ABCA9: variants seen among roughly 807,000 people sequenced by gnomAD.
The protein encoded by ABCA9 is ATP-binding cassette sub-family A member 9.
In ABCA9, 183 loss-of-function variants were observed where a neutral mutation model predicts 205.3. The observed-to-expected ratio is 0.89, with a 90% CI of 0.79 to 1.01. ABCA9 has a LOEUF of 1.01. Ranked by LOEUF, ABCA9 falls within the 50% of genes least tolerant of loss-of-function variation. The probability of loss-of-function intolerance (pLI) is 0.00; values close to 1 mark genes in which losing one functional copy is unlikely to be tolerated. For missense variants in ABCA9, 1,805 were observed against 1,912.4 expected (o/e 0.94, Z 1.05); for synonymous variants, 651 against 683.3 (o/e 0.95, Z 0.74).
chr17:69,019,137 G>A (rs1042260017), intron 19 of ABCA9, among the ~76,000 whole-genome samples: 2 of 151,910 alleles, frequency 1.3e-5, no homozygotes, highest in Admixed American at 1.3e-4. Context: ...CTCTTCTTAA[G>A]TTGGGCTTTT....
the ABCA9 span, among the ~76,000 whole-genome samples, chr17:69,067,993 T>C: frequency 6.6e-5 from 10 of 152,238 alleles, no homozygotes; most frequent in African/African-American, 2.2e-4. Context: ...CCAGGAAATC[T>C]AGGCCCCACT....
rs897395118 is a variant in ABCA9, at chr17:69,023,716, T to G, written c.2281+498A>C. On this transcript the variant is annotated intron_variant, in intron 17 of 38. Transcript: ENST00000340001. This position sits in a 1 kb window ranked among gnomAD's most constrained non-coding sequence, Gnocchi z 4.2. ...CAGTAGTTCTCCAAGCTTCTGTGTT[T>G]GCAGCAAAGTTGTACATTGAAGTGT... Among the ~76,000 whole-genome samples the G allele has an allele frequency of 6.6e-6, 1 of 152,194 alleles. No homozygotes were observed. Among genetic ancestry groups the G allele is most frequent in the Non-Finnish European group, 1.5e-5 (1 of 68,028 alleles).
At chr17:69,031,583 A>T (rs1420238655) in intron 10 of ABCA9, among the ~76,000 whole-genome samples, 1 of 152,212 alleles carries the variant, frequency 6.6e-6, no homozygotes, top group Non-Finnish European at 1.5e-5. Context: ...CATGTCCATC[A>T]TCTAAGAGGG....
rs1399029347 is a variant in ABCA9 at position 68,992,928 on chromosome 17, T to C, written c.3624+88A>G. On this transcript the variant is annotated intron_variant, in intron 27 of 38. Coordinates refer to ENST00000340001, the MANE Select transcript of ABCA9 (RefSeq NM_080283.4). ...TCAAATGCCTAAAATGTCCAAACCT[T>C]CTTAATTTGATGCAATTCAGAGAAA... 4.6e-6 allele frequency: 5 copies of C among 1,098,084 alleles called. No homozygotes were observed. In the Admixed American group the frequency reaches 9.9e-5, roughly 22 times the overall value. 68.0% of individuals were successfully genotyped at this position (1,098,084 alleles called of 1,614,324 possible). A position where few individuals can be genotyped will look rare whatever the true frequency, so the allele number is the denominator to read the frequency against.
At chr17:69,025,070 G>A (rs941117468) in intron 16 of ABCA9, among the ~76,000 whole-genome samples, 1 of 152,114 alleles carries the variant, frequency 6.6e-6, no homozygotes, top group Non-Finnish European at 1.5e-5. Flanking sequence ...GTACTTACAA[G>A]TGCTATCAAG....
In ABCA9 at chr17:69,029,158, T is replaced by C. The variant is rs551276358; in HGVS notation, c.1504+11A>G. 142 of 1,500,148 alleles carry C rather than the reference T, an allele frequency of 9.5e-5. No homozygotes were observed. The highest frequency in any genetic ancestry group is 3.8e-5 in the Non-Finnish European group (42 of 1,100,080). The allele number at this position is 1,500,148 out of a possible 1,614,324, so 92.9% of individuals were successfully genotyped here. A position where few individuals can be genotyped will look rare whatever the true frequency, so the allele number is the denominator to read the frequency against. On this transcript the variant is annotated intron_variant, in intron 11 of 38. Coordinates refer to ENST00000340001, the MANE Select transcript of ABCA9 (RefSeq NM_080283.4). ...CAAGCAGCCCCATTAAATAAAATAT[T>C]ATTTTATTACCTTTCAAAGCTTCTA...
chr17:68,980,890 T>G (rs1567909867), intron 37 of ABCA9, among the ~76,000 whole-genome samples: 1 of 149,894 alleles, frequency 6.7e-6, no homozygotes, highest in East Asian at 1.9e-4. Context: ...GTTGTGCACA[T>G]GTACCTTAAA....
chr17:68,997,393 AT>A (rs1275003122), intron 25 of ABCA9, among the ~76,000 whole-genome samples: 2 of 151,888 alleles, frequency 1.3e-5, no homozygotes, highest in African/African-American at 4.8e-5. Context: ...AACTTTATGA[AT>A]TTTTTCTATT....
In ABCA9 at chr17:68,990,921, T is replaced by C; in HGVS notation, c.3753A>G (p.Pro1251=). 1 of 1,613,768 alleles carries C rather than the reference T, an allele frequency of 6.2e-7. No individual in the cohort carries two copies. Among genetic ancestry groups the C allele is most frequent in the Non-Finnish European group, 8.5e-7 (1 of 1,179,864 alleles). The change falls in exon 29 of 39, where the codon CCA becomes CCG. Residue 1251 remains proline (P), a synonymous_variant. Transcript: ENST00000340001. ...SPRSNAIFPN[P]EEPEGEEEDI... Reference sequence around the variant, plus strand: ...CTTCCTCCTCTCCTTCAGGCTCTTCTGGGTTTGGAAAAATAGCGTTGCTTC... The same window carrying C: ...CTTCCTCCTCTCCTTCAGGCTCTTCCGGGTTTGGAAAAATAGCGTTGCTTC...
At chr17:69,040,118 C>G (rs1169603378) in intron 6 of ABCA9, among the ~76,000 whole-genome samples, 1 of 152,110 alleles carries the variant, frequency 6.6e-6, no homozygotes, top group African/African-American at 2.4e-5. Flanking sequence ...GGAGTGTAAA[C>G]TAATTCAACC....
At chr17:68,980,440 T>G (rs1456835086) in intron 37 of ABCA9, among the ~76,000 whole-genome samples, 1 of 152,086 alleles carries the variant, frequency 6.6e-6, no homozygotes, top group Admixed American at 6.5e-5. Context: ...ACTGGGTATA[T>G]ACCCAAAGGA....
At chr17:69,071,930 C>G in the ABCA9 span, among the ~76,000 whole-genome samples, 247 of 152,182 alleles carry the variant, frequency 1.6e-3, 1 homozygote, top group African/African-American at 5.7e-3. Flanking sequence ...AAACACAGCA[C>G]GAGAACTTTG....
chr17:69,041,467 G>C (rs1482946910), intron 6 of ABCA9, among the ~76,000 whole-genome samples: 3 of 152,068 alleles, frequency 2.0e-5, no homozygotes, highest in East Asian at 3.9e-4. Flanking sequence ...ACTTTGGGAG[G>C]CCGAGGCAGG....
intron 17 of ABCA9, 57 bp downstream of exon 17, chr17:69,024,157 C>CTGT: frequency 6.4e-7 from 1 of 1,555,586 alleles, no homozygotes; most frequent in Non-Finnish European, 8.8e-7. Flanking sequence ...CTTATCACCA[C>CTGT]TGTTATTGTT....
chr17:69,068,002 C>T, the ABCA9 span, among the ~76,000 whole-genome samples: 1 of 152,208 alleles, frequency 6.6e-6, no homozygotes, highest in African/African-American at 2.4e-5. Context: ...CTAGGCCCCA[C>T]TCCACAATAT....
intron 37 of ABCA9, among the ~76,000 whole-genome samples, chr17:68,979,632 T>C (rs546360218): frequency 0.018 from 2,725 of 152,128 alleles, 89 homozygotes; most frequent in African/African-American, 0.06. Flanking sequence ...TAATGCCACA[T>C]ATCTACAACT....
At chr17:69,036,348 A>G (rs770425475) in intron 6 of ABCA9, among the ~76,000 whole-genome samples, 3 of 152,138 alleles carry the variant, frequency 2.0e-5, no homozygotes, top group African/African-American at 4.8e-5. Flanking sequence ...TTTCATATAC[A>G]TTTTCACATG....
At chr17:69,045,040 T>C (rs2071664444) in intron 4 of ABCA9, 132 bp downstream of exon 4, 1 of 654,006 alleles carries the variant, frequency 1.5e-6, no homozygotes, top group South Asian at 2.7e-5. Flanking sequence ...TGAATCTCCT[T>C]TATGTTCAGA....
At chr17:69,049,246 A>T (rs1298762141) in intron 3 of ABCA9, 37 bp downstream of exon 3, 3 of 1,509,824 alleles carry the variant, frequency 2.0e-6, no homozygotes, top group Non-Finnish European at 2.7e-6. Context: ...TGCCTTTTGC[A>T]AATAAGGAAA....
Sources: allele counts gnomAD v4.1 joint callset (sites outside exome capture counted in the v4.1 genomes callset), GRCh38; gene constraint gnomAD v4.1.1; non-coding constraint Gnocchi (gnomAD v3.1); transcripts MANE v1.5; gene names NCBI Gene and HGNC (gene_info 2026-07-23, HGNC 2026-07-21).